Variants in TOGARAM1 observed in about 807,000 individuals in gnomAD.
TOGARAM1 encodes TOG array regulator of axonemal microtubules 1, also known as TOG array regulator of axonemal microtubules protein 1.
In TOGARAM1, 100 loss-of-function variants were observed where a neutral mutation model predicts 166.6. The ratio of observed to expected loss-of-function variants is 0.60; its 90% CI spans 0.51 to 0.71. The LOEUF is 0.71. Among genes scored for constraint, TOGARAM1 ranks in the 30% least tolerant of loss-of-function variants. TOGARAM1 has a pLI of 0.00. For synonymous variants in TOGARAM1, 758 were observed against 763.8 expected (o/e 0.99, Z 0.13); for missense variants, 2,029 against 2,102.7 (o/e 0.96, Z 0.69).
At chr14:44,964,566 T>C (rs540889995) in intron 1 of TOGARAM1, 99 bp downstream of exon 1, 15 of 1,318,426 alleles carry the variant, frequency 1.1e-5, no homozygotes, top group Middle Eastern at 4.0e-4. Flanking sequence ...GGAAACATGT[T>C]ATGCTTTGTT....
At chr14:45,051,626 C>T (rs555639475) in intron 14 of TOGARAM1, among the ~76,000 whole-genome samples, 10 of 127,606 alleles carry the variant, frequency 7.8e-5, no homozygotes, top group South Asian at 7.6e-4. Flanking sequence ...ATGGTGTGAT[C>T]TCGGCTCACT....
At chr14:45,012,161 C>T (rs1297064064) in intron 7 of TOGARAM1, 86 bp downstream of exon 7, 2 of 892,356 alleles carry the variant, frequency 2.2e-6, no homozygotes, top group Non-Finnish European at 3.4e-6. Flanking sequence ...TTTCAGATTT[C>T]ATGTTGTTGT....
At chr14:44,982,546 G>C (rs1273289004) in intron 1 of TOGARAM1, among the ~76,000 whole-genome samples, 1 of 152,130 alleles carries the variant, frequency 6.6e-6, no homozygotes, top group Admixed American at 6.5e-5. Flanking sequence ...GTGGGCACGA[G>C]GTCTGTAGTT....
intron 3 of TOGARAM1, among the ~76,000 whole-genome samples, chr14:45,003,434 G>C (rs2138835128): frequency 6.6e-6 from 1 of 152,230 alleles, no homozygotes; most frequent in South Asian, 2.1e-4. Context: ...TACAAAATAA[G>C]ATGGTAGAAT....
intron 16 of TOGARAM1, among the ~76,000 whole-genome samples, chr14:45,057,159 C>G (rs1882680160): frequency 6.6e-6 from 1 of 151,998 alleles, no homozygotes; most frequent in Non-Finnish European, 1.5e-5. Context: ...CTCTGATGAT[C>G]CCTTGTTTAT....
chr14:45,033,794 A>G (rs562357913), intron 11 of TOGARAM1, among the ~76,000 whole-genome samples: 1 of 152,334 alleles, frequency 6.6e-6, no homozygotes, highest in Non-Finnish European at 1.5e-5. Flanking sequence ...TCTTCCTGCC[A>G]ACATGGATTA....
At chr14:44,999,333 TTA>T (rs1300305676) in intron 2 of TOGARAM1, 28 bp from the exon 3 acceptor site, 1 of 1,520,510 alleles carries the variant, frequency 6.6e-7, no homozygotes, top group African/African-American at 1.4e-5. Flanking sequence ...ACTTTTGCTT[TTA>T]TGTTTTCTCC....
In TOGARAM1 at chr14:45,071,647, G is replaced by A. The variant is rs375703879; in HGVS notation, c.4970-65G>A. 564 of 1,068,658 alleles carry A rather than the reference G, an allele frequency of 5.3e-4. 4 individuals are homozygous for A. In the African/African-American group the frequency reaches 6.7e-3, roughly 13 times the overall value. 66.2% of individuals were successfully genotyped at this position (1,068,658 alleles called of 1,614,324 possible). On this transcript the variant is annotated intron_variant, in intron 18 of 19. Coordinates refer to ENST00000361462, the MANE Select transcript of TOGARAM1 (RefSeq NM_001308120.2). The stretch of plus-strand genomic sequence containing the variant: ...ATTTTTTTTTTCTTTTCAATGCTAT[G>A]TAATGGAAAGTAACTAAGAGCTCAT...
At chr14:45,017,917 GT>G (rs1398953061) in intron 7 of TOGARAM1, among the ~76,000 whole-genome samples, 1 of 151,196 alleles carries the variant, frequency 6.6e-6, no homozygotes, top group African/African-American at 2.5e-5. Flanking sequence ...GTTAAGAATG[GT>G]TTTTTTAAAC....
intron 7 of TOGARAM1, among the ~76,000 whole-genome samples, chr14:45,018,634 T>A (rs559096795): frequency 6.6e-6 from 1 of 152,316 alleles, no homozygotes; most frequent in South Asian, 2.1e-4. Context: ...TCAAATTGAG[T>A]AAGATGGAGC....
intron 1 of TOGARAM1, among the ~76,000 whole-genome samples, chr14:44,981,261 T>C (rs1886516060): frequency 2.0e-5 from 3 of 152,198 alleles, no homozygotes; most frequent in Admixed American, 6.5e-5. Context: ...AAGTAATTGC[T>C]AAAACTGTGA....
chr14:44,987,254 C>T (rs1594624898), intron 1 of TOGARAM1, among the ~76,000 whole-genome samples: 1 of 150,958 alleles, frequency 6.6e-6, no homozygotes, highest in South Asian at 2.1e-4. Context: ...ATTTTTTTTT[C>T]TTAAAGAGAC....
chr14:44,981,709 C>T (rs1886542815), intron 1 of TOGARAM1, among the ~76,000 whole-genome samples: 1 of 151,978 alleles, frequency 6.6e-6, no homozygotes, highest in Admixed American at 6.6e-5. Flanking sequence ...TTTTGTATTT[C>T]AAAAAATTAA....
intron 1 of TOGARAM1, among the ~76,000 whole-genome samples, chr14:44,989,854 A>T (rs935898940): frequency 6.6e-6 from 1 of 152,246 alleles, no homozygotes; most frequent in Non-Finnish European, 1.5e-5. Flanking sequence ...TAATTGACTC[A>T]CAGTTTTGCA....
chr14:45,006,726 A>C (rs1288337838), intron 5 of TOGARAM1: 3 of 152,438 alleles, frequency 2.0e-5, no homozygotes, highest in Non-Finnish European at 4.4e-5. Flanking sequence ...TGTACTTTTT[A>C]TATTAATATT....
chr14:45,019,731 T>C (rs1345877732), intron 7 of TOGARAM1, among the ~76,000 whole-genome samples: 2 of 152,202 alleles, frequency 1.3e-5, no homozygotes, highest in Non-Finnish European at 2.9e-5. Flanking sequence ...GCCCCGTGTT[T>C]AAAGGTGGAT....
rs564635017 is a variant in TOGARAM1, at chr14:45,021,498, A to G, written c.3239-4285A>G. ...GAGAAAAATATGATAAGGGAGGGCCATGGGGATTTACGATTTTAGTTACTT... is the reference window on the plus strand; with the variant it reads ...GAGAAAAATATGATAAGGGAGGGCCGTGGGGATTTACGATTTTAGTTACTT... On this transcript the variant is annotated intron_variant, in intron 7 of 19. Coordinates refer to ENST00000361462, the MANE Select transcript of TOGARAM1 (RefSeq NM_001308120.2). 2.3e-4 allele frequency among the ~76,000 whole-genome samples: 35 copies of G among 152,296 alleles called. No homozygotes were observed. In the South Asian group the frequency reaches 5.0e-3, roughly 22 times the overall value.
rs1276617263 is a variant in TOGARAM1, at chr14:45,074,221, T to C, written c.*660T>C. On this transcript the variant is annotated 3_prime_UTR_variant, in exon 20 of 20. Coordinates refer to ENST00000361462, the MANE Select transcript of TOGARAM1 (RefSeq NM_001308120.2). ...ATGCACGTTTAAAAAACGTGTTGAA[T>C]GTAACCCCCCTATTTTTGTGTGCAA... 3 of 152,682 alleles carry C rather than the reference T, an allele frequency of 2.0e-5. No individual in the cohort carries two copies. The highest frequency in any genetic ancestry group is 7.2e-5 in the African/African-American group (3 of 41,466). 9.5% of individuals were successfully genotyped at this position (152,682 alleles called of 1,614,324 possible).
intron 16 of TOGARAM1, among the ~76,000 whole-genome samples, chr14:45,059,162 C>T (rs1369187586): frequency 6.6e-6 from 1 of 152,014 alleles, no homozygotes; most frequent in Non-Finnish European, 1.5e-5. Flanking sequence ...ACCACAGCCT[C>T]GACCTCCTGG....
Sources: gnomAD v4.1 joint callset for allele counts (sites outside exome capture counted in the v4.1 genomes callset) on GRCh38, gnomAD v4.1.1 for gene constraint, MANE v1.5 for transcripts, NCBI Gene and HGNC (gene_info 2026-07-23, HGNC 2026-07-21) for gene names.